The following KLHL1 variants were observed in gnomAD, a reference collection of about 807,000 sequenced individuals.
KLHL1 encodes the protein kelch like family member 1.
A neutral mutation model predicts 77.7 loss-of-function variants in KLHL1; 47 were observed. The ratio of observed to expected loss-of-function variants is 0.60; its 90% confidence interval spans 0.48 to 0.77. KLHL1 has a LOEUF of 0.77. Ranked by LOEUF, KLHL1 falls within the 30% of genes least tolerant of loss-of-function variation. KLHL1 has a pLI of 0.00. For synonymous variants in KLHL1, 360 were observed against 325.2 expected (o/e 1.11, Z -1.15); for missense variants, 925 against 910.8 (o/e 1.02, Z -0.20).
chr13:69,968,542 T>C (rs936830563), intron 2 of KLHL1, among the ~76,000 whole-genome samples: 1 of 146,320 alleles, frequency 6.8e-6, no homozygotes, highest in African/African-American at 2.5e-5. Flanking sequence ...GGTTGAAATT[T>C]AAAAAAAAAA....
At chr13:69,919,167 T>C (rs74799982) in intron 4 of KLHL1, among the ~76,000 whole-genome samples, 12,411 of 152,142 alleles carry the variant, frequency 0.082, 555 homozygotes, top group African/African-American at 0.1. Flanking sequence ...ATATTATACT[T>C]AATAAAAAGA....
At chr13:69,763,505 T>A (rs1396048124) in intron 7 of KLHL1, among the ~76,000 whole-genome samples, 1 of 152,296 alleles carries the variant, frequency 6.6e-6, no homozygotes, top group Admixed American at 6.5e-5. Flanking sequence ...ATATGTAGAA[T>A]ATCAAATGCG....
chr13:69,950,121 T>C (rs1883660653), intron 3 of KLHL1, among the ~76,000 whole-genome samples: 1 of 151,256 alleles, frequency 6.6e-6, no homozygotes, highest in South Asian at 2.1e-4. Context: ...CATCTCAGAG[T>C]TCAAGAGAAA....
chr13:70,010,899 A>C (rs3003203), intron 1 of KLHL1, among the ~76,000 whole-genome samples: 8 of 150,348 alleles, frequency 5.3e-5, no homozygotes, highest in African/African-American at 2.0e-4. Flanking sequence ...TCTCAAAAAA[A>C]AATAATAATA....
At chr13:70,037,539 T>C (rs962688548) in intron 1 of KLHL1, among the ~76,000 whole-genome samples, 15 of 152,106 alleles carry the variant, frequency 9.9e-5, no homozygotes, top group African/African-American at 3.6e-4. Flanking sequence ...GTCTAAAATA[T>C]AAGAATGTAT....
chr13:69,842,009 C>T (rs1879281183), intron 5 of KLHL1, among the ~76,000 whole-genome samples: 1 of 151,840 alleles, frequency 6.6e-6, no homozygotes, highest in Non-Finnish European at 1.5e-5. Flanking sequence ...AAACTAGACT[C>T]CTATCTGTCA....
At chr13:69,823,818 TTC>T (rs149024734) in intron 6 of KLHL1, among the ~76,000 whole-genome samples, 6 of 151,016 alleles carry the variant, frequency 4.0e-5, no homozygotes, top group Non-Finnish European at 5.9e-5. Flanking sequence ...TTGAAATTTT[TTC>T]TCTCTCTCTC....
intron 5 of KLHL1, among the ~76,000 whole-genome samples, chr13:69,844,989 T>C (rs1020206721): frequency 6.6e-6 from 1 of 151,650 alleles, no homozygotes; most frequent in African/African-American, 2.4e-5. Flanking sequence ...GGATGAGACA[T>C]CTGTGAACCC....
intron 7 of KLHL1, among the ~76,000 whole-genome samples, chr13:69,762,940 C>T (rs1482922531): frequency 6.6e-6 from 1 of 151,972 alleles, no homozygotes; most frequent in Admixed American, 6.6e-5. Context: ...AATTTTCTTG[C>T]TCCATAATCA....
chr13:69,825,097 T>C (rs547785438), intron 6 of KLHL1, among the ~76,000 whole-genome samples: 2 of 152,260 alleles, frequency 1.3e-5, no homozygotes, highest in South Asian at 4.1e-4. Context: ...GATGAGAATA[T>C]GGATGTTAAC....
At position 70,107,770 on chromosome 13, in the gene KLHL1, A is replaced by C; in HGVS notation, c.-71T>G. The C allele has an allele frequency of 8.1e-7, 1 of 1,231,508 alleles. No homozygotes were observed. The highest frequency in any genetic ancestry group is 1.1e-6 in the Non-Finnish European group (1 of 910,026). The allele number at this position is 1,231,508 out of a possible 1,614,324, so 76.3% of individuals were successfully genotyped here. ...GGCTGGTCAGCAGGTGGGGGAGGAC[A>C]GCGGGGCCCGGGGGCGGAGGAAGAG... On this transcript the variant is annotated 5_prime_UTR_variant, in exon 1 of 11. Transcript: ENST00000377844.
intron 3 of KLHL1, among the ~76,000 whole-genome samples, chr13:69,958,260 A>C (rs142081460): frequency 6.6e-6 from 1 of 151,568 alleles, no homozygotes; most frequent in Admixed American, 6.6e-5. Flanking sequence ...TAATAATAAT[A>C]ATGTAAGTCT....
At chr13:69,719,183 C>CATGT (rs1180233155) in intron 9 of KLHL1, among the ~76,000 whole-genome samples, 186 bp downstream of exon 9, 2 of 103,804 alleles carry the variant, frequency 1.9e-5, no homozygotes, top group African/African-American at 6.2e-5. Context: ...AAAGAAAGTA[C>CATGT]GTGTGTGTGT....
intron 7 of KLHL1, among the ~76,000 whole-genome samples, chr13:69,759,419 G>A (rs1461571746): frequency 6.6e-6 from 1 of 152,048 alleles, no homozygotes. Flanking sequence ...GAAGACACAG[G>A]CAAAAATGTC....
chr13:69,959,317 T>A (rs1027233261), intron 3 of KLHL1, among the ~76,000 whole-genome samples: 1 of 152,022 alleles, frequency 6.6e-6, no homozygotes, highest in Non-Finnish European at 1.5e-5. Context: ...CTCTGTCTTT[T>A]AGTTGCTGGA....
intron 1 of KLHL1, among the ~76,000 whole-genome samples, chr13:70,025,474 A>G (rs1885918282): frequency 1.3e-5 from 2 of 152,020 alleles, no homozygotes; most frequent in Admixed American, 1.3e-4. Context: ...CCTAGTGTAC[A>G]GAACATCTAG....
At chr13:69,833,856 TACAC>T (rs35739445) in intron 6 of KLHL1, among the ~76,000 whole-genome samples, 9,671 of 143,886 alleles carry the variant, frequency 0.067, 553 homozygotes, top group African/African-American at 0.16. Flanking sequence ...CACACATATA[TACAC>T]ACACACACAC....
intron 7 of KLHL1, among the ~76,000 whole-genome samples, chr13:69,744,422 T>C (rs887201821): frequency 6.6e-6 from 1 of 151,938 alleles, no homozygotes; most frequent in Non-Finnish European, 1.5e-5. Flanking sequence ...ACATCATCCA[T>C]ATGTGTCTTG....
intron 6 of KLHL1, among the ~76,000 whole-genome samples, chr13:69,823,506 T>C (rs1309992343): frequency 1.3e-5 from 2 of 151,966 alleles, no homozygotes; most frequent in Admixed American, 6.6e-5. Context: ...AATAAATTCA[T>C]ATTAGAAATT....
Sources: allele counts gnomAD v4.1 joint callset (sites outside exome capture counted in the v4.1 genomes callset), GRCh38; gene constraint gnomAD v4.1.1; transcripts MANE v1.5; gene names NCBI Gene and HGNC (gene_info 2026-07-23, HGNC 2026-07-21).